Variants in SAP130 observed in about 807,000 individuals in gnomAD.
SAP130 encodes the protein Sin3A associated protein 130.
In SAP130, 16 loss-of-function variants were observed where a neutral mutation model predicts 103.2. That is an observed-to-expected ratio of 0.16 (90% CI 0.10 to 0.24). SAP130 has a LOEUF of 0.24. Ranked by LOEUF, SAP130 falls within the 10% of genes least tolerant of loss-of-function variation. The probability of loss-of-function intolerance (pLI) is 1.00; values close to 1 mark genes in which losing one functional copy is unlikely to be tolerated. For missense variants in SAP130, 990 were observed against 1,359.7 expected (o/e 0.73, Z 4.28); for synonymous variants, 477 against 497.0 (o/e 0.96, Z 0.53).
At chr2:128,025,003 C>T (rs78220168) in intron 2 of SAP130, among the ~76,000 whole-genome samples, 1 of 100,272 alleles carries the variant, frequency 1.0e-5, no homozygotes, top group Non-Finnish European at 2.1e-5. Flanking sequence ...CCCTATTGCG[C>T]AAAAAAAAAA....
chr2:127,951,577 T>C (rs1400445783), intron 16 of SAP130, among the ~76,000 whole-genome samples: 1 of 152,148 alleles, frequency 6.6e-6, no homozygotes, highest in African/African-American at 2.4e-5. Context: ...CTCATGTCTA[T>C]CCTCCCCCAT....
chr2:128,012,852 G>C (rs1454650272), intron 6 of SAP130, among the ~76,000 whole-genome samples, 178 bp downstream of exon 6: 1 of 150,900 alleles, frequency 6.6e-6, no homozygotes, highest in Admixed American at 6.6e-5. Context: ...CAACAGGAAG[G>C]CTTCCCACCA....
At chr2:127,959,458 T>A (rs189868901) in intron 15 of SAP130, among the ~76,000 whole-genome samples, 1 of 152,318 alleles carries the variant, frequency 6.6e-6, no homozygotes, top group East Asian at 1.9e-4. Context: ...ATGAGAGACC[T>A]CAATCTCCTC....
intron 1 of SAP130, chr2:128,026,987 G>T (rs960907820): frequency 6.4e-6 from 7 of 1,098,000 alleles, no homozygotes; most frequent in Non-Finnish European, 8.4e-6. Context: ...ACCGGAGGAC[G>T]CCGGTTTCCA....
Position 128,014,858 on chromosome 2 carries a change from G to T in SAP130, c.564C>A (p.Ile188=). The T allele has an allele frequency of 6.2e-7, 1 of 1,614,198 alleles. No homozygotes were observed. Among genetic ancestry groups the T allele is most frequent in the Non-Finnish European group, 8.5e-7 (1 of 1,180,022 alleles). Reference sequence around the variant, plus strand: ...GAGGGGGCCCAGGAGCATTGCTGCGGATGATAGACATTTGCACATTTGTAG... The same window carrying T: ...GAGGGGGCCCAGGAGCATTGCTGCGTATGATAGACATTTGCACATTTGTAG... ...IMTTNVQMSI[I]RSNAPGPPLH... Residue 188 remains isoleucine (I), a synonymous_variant, in exon 5 of 21, where the codon ATC becomes ATA. Coordinates refer to ENST00000643581, the MANE Select transcript of SAP130 (RefSeq NM_001330301.2).
intron 14 of SAP130, among the ~76,000 whole-genome samples, chr2:127,981,484 C>T (rs897655136): frequency 7.9e-6 from 1 of 126,184 alleles, no homozygotes; most frequent in African/African-American, 3.1e-5. Flanking sequence ...ACCCCCGACT[C>T]AGCTCCCTCA....
At chr2:127,958,948 C>T (rs1026422364) in intron 15 of SAP130, among the ~76,000 whole-genome samples, 1 of 152,114 alleles carries the variant, frequency 6.6e-6, no homozygotes, top group Non-Finnish European at 1.5e-5. Flanking sequence ...CCACACCCGG[C>T]TAATATTTTT....
At chr2:127,993,795 A>G (rs569046152) in intron 11 of SAP130, among the ~76,000 whole-genome samples, 29 of 152,276 alleles carry the variant, frequency 1.9e-4, no homozygotes, top group Admixed American at 1.7e-3. Context: ...CCCAGGCTGG[A>G]GCGTAGTGGT....
chr2:128,002,082 A>G (rs1010415529), intron 7 of SAP130, among the ~76,000 whole-genome samples: 1 of 152,030 alleles, frequency 6.6e-6, no homozygotes, highest in Non-Finnish European at 1.5e-5. Flanking sequence ...GCGTGCCACA[A>G]TGCCTGGCTA....
At chr2:127,970,325 G>A (rs1165650250) in intron 15 of SAP130, among the ~76,000 whole-genome samples, 3 of 150,822 alleles carry the variant, frequency 2.0e-5, no homozygotes, top group Non-Finnish European at 4.4e-5. Context: ...GAGGGATCAT[G>A]AGATCAGGAG....
chr2:128,000,061 G>A lies in SAP130; in HGVS notation c.1103C>T (p.Thr368Ile), dbSNP rs947449069. 1.9e-6 allele frequency: 3 copies of A among 1,613,840 alleles called. No homozygotes were observed. Among genetic ancestry groups the A allele is most frequent in the African/African-American group, 1.3e-5 (1 of 74,892 alleles). ...LATNTIPSATTAGSVSHTQAP... is the reference protein window; with the variant it reads ...LATNTIPSATIAGSVSHTQAP... The stretch of plus-strand genomic sequence containing the variant: ...GAGGAGGGTCGTGGACTTACCAGCT[G>A]TGGTCGCTGAAGGAATGGTGTTGGT... Residue 368 changes from threonine to isoleucine, a missense_variant, in exon 9 of 21, where the codon ACA (threonine) becomes ATA (isoleucine). Coordinates refer to ENST00000643581, the MANE Select transcript of SAP130 (RefSeq NM_001330301.2).
intron 15 of SAP130, among the ~76,000 whole-genome samples, chr2:127,957,874 A>G (rs1047171961): frequency 6.6e-6 from 1 of 152,150 alleles, no homozygotes; most frequent in African/African-American, 2.4e-5. Flanking sequence ...CAATTCTAGA[A>G]GTTCACCTGA....
At chr2:127,948,154 T>C (rs1010795368) in intron 18 of SAP130, among the ~76,000 whole-genome samples, 1 of 152,162 alleles carries the variant, frequency 6.6e-6, no homozygotes, top group East Asian at 1.9e-4. Context: ...AGTGAGTTTC[T>C]TGTACACAGC....
intron 7 of SAP130, among the ~76,000 whole-genome samples, chr2:128,004,876 T>TCC (rs1683846737): frequency 1.3e-5 from 2 of 152,200 alleles, no homozygotes; most frequent in African/African-American, 4.8e-5. Flanking sequence ...AAACCCAGTA[T>TCC]ATAGTCCAGG....
intron 5 of SAP130, among the ~76,000 whole-genome samples, chr2:128,014,182 C>A (rs1573834512): frequency 6.6e-6 from 1 of 152,094 alleles, no homozygotes; most frequent in African/African-American, 2.4e-5. Context: ...TTAAACCATG[C>A]TAAAAACATG....
At chr2:127,983,498 G>A (rs999752664) in intron 14 of SAP130, among the ~76,000 whole-genome samples, 4 of 152,192 alleles carry the variant, frequency 2.6e-5, no homozygotes, top group African/African-American at 9.7e-5. Context: ...CAGTAGGGAT[G>A]TGGAAGAGAG....
intron 15 of SAP130, among the ~76,000 whole-genome samples, chr2:127,958,857 C>T (rs1275050935): frequency 6.6e-6 from 1 of 152,116 alleles, no homozygotes; most frequent in Non-Finnish European, 1.5e-5. Flanking sequence ...CGGGGTTTCA[C>T]CATATTGACC....
chr2:127,942,362 A>G lies in SAP130; in HGVS notation c.3015+62T>C. 1 of 1,243,090 alleles carries G rather than the reference A, an allele frequency of 8.0e-7. No individual in the cohort carries two copies. Among genetic ancestry groups the G allele is most frequent in the Non-Finnish European group, 1.2e-6 (1 of 844,368 alleles). 77.0% of individuals were successfully genotyped at this position (1,243,090 alleles called of 1,614,324 possible). On this transcript the variant is annotated intron_variant, in intron 20 of 20. Coordinates refer to ENST00000643581, the MANE Select transcript of SAP130 (RefSeq NM_001330301.2). The surrounding 1 kb of genome is among the most constrained non-coding windows in gnomAD (Gnocchi z 4.8). The stretch of plus-strand genomic sequence containing the variant: ...GGAGACGGGGGGAAACGGGAGAAGT[A>G]GGGCTTTACAGAAAGCAACTTCATA...
chr2:127,975,178 T>A (rs1430646934), intron 15 of SAP130, among the ~76,000 whole-genome samples: 1 of 152,210 alleles, frequency 6.6e-6, no homozygotes, highest in Non-Finnish European at 1.5e-5. Flanking sequence ...CCATAAACAG[T>A]TCTGCATAAA....
Sources: gnomAD v4.1 joint callset for allele counts (sites outside exome capture counted in the v4.1 genomes callset) on GRCh38, gnomAD v4.1.1 for gene constraint, Gnocchi (gnomAD v3.1) non-coding constraint, MANE v1.5 for transcripts, NCBI Gene and HGNC (gene_info 2026-07-23, HGNC 2026-07-21) for gene names.